MGAT4C: variants seen among roughly 807,000 people sequenced by gnomAD.
MGAT4C encodes alpha-1,3-mannosyl-glycoprotein 4-beta-N-acetylglucosaminyltransferase C.
A neutral mutation model predicts 40.1 loss-of-function variants in MGAT4C; 19 were observed. The observed-to-expected ratio is 0.47, with a 90% CI of 0.33 to 0.70. The LOEUF is 0.70. Among genes scored for constraint, MGAT4C ranks in the 30% least tolerant of loss-of-function variants. The pLI, the probability that MGAT4C is intolerant of heterozygous loss-of-function variation, is 0.02. For missense variants in MGAT4C, 491 were observed against 563.2 expected (o/e 0.87, Z 1.30); for synonymous variants, 181 against 187.1 (o/e 0.97, Z 0.27).
chr12:86,745,163 G>A (rs936121588), intron 1 of MGAT4C: 14 of 151,406 alleles, frequency 9.2e-5, no homozygotes, highest in Non-Finnish European at 4.4e-5. Context: ...TTACACCTGT[G>A]CAAAATAAAG....
chr12:86,277,757 T>A (rs1953112594), intron 4 of MGAT4C, among the ~76,000 whole-genome samples: 1 of 152,174 alleles, frequency 6.6e-6, no homozygotes, highest in South Asian at 2.1e-4. Flanking sequence ...GGTCTATGTG[T>A]CTTTTTTTAT....
intron 2 of MGAT4C, among the ~76,000 whole-genome samples, chr12:86,493,955 CTTTT>C (rs958648605): frequency 2.6e-5 from 4 of 151,880 alleles, no homozygotes; most frequent in Non-Finnish European, 4.4e-5. Context: ...TTTTCTCTCT[CTTTT>C]TTTAAGTACT....
chr12:86,039,086 C>A (rs2136930788), intron 2 of MGAT4C, among the ~76,000 whole-genome samples: 1 of 150,654 alleles, frequency 6.6e-6, no homozygotes, highest in East Asian at 1.9e-4. Flanking sequence ...TGTAGGGTTT[C>A]ACTGTTAGTC....
chr12:86,112,633 C>T (rs914306655), intron 1 of MGAT4C, among the ~76,000 whole-genome samples: 9 of 151,312 alleles, frequency 5.9e-5, no homozygotes, highest in African/African-American at 1.2e-4. Context: ...TAATGACCAA[C>T]GAAGTATTAA....
chr12:86,742,833 T>G (rs1951089192), intron 1 of MGAT4C, among the ~76,000 whole-genome samples: 1 of 151,616 alleles, frequency 6.6e-6, no homozygotes, highest in Admixed American at 6.6e-5. Flanking sequence ...CTAACATATC[T>G]TAAATCTTCC....
At chr12:86,797,143 C>T (rs1011935809) in intron 1 of MGAT4C, among the ~76,000 whole-genome samples, 3 of 151,776 alleles carry the variant, frequency 2.0e-5, no homozygotes, top group Non-Finnish European at 4.4e-5. Context: ...TTCCTTTCTC[C>T]ATCATTCTTA....
chr12:86,715,167 A>T (rs1432429290), intron 2 of MGAT4C, among the ~76,000 whole-genome samples: 3 of 152,172 alleles, frequency 2.0e-5, no homozygotes, highest in Non-Finnish European at 4.4e-5. Flanking sequence ...TTATCCCCAC[A>T]CAAAATCTTT....
At chr12:86,140,078 T>C (rs1882612822) in intron 1 of MGAT4C, among the ~76,000 whole-genome samples, 1 of 152,220 alleles carries the variant, frequency 6.6e-6, no homozygotes, top group Admixed American at 6.5e-5. Context: ...TCTATGTCTA[T>C]ACTGGCCTTA....
At chr12:86,389,354 T>C (rs1158262926) in intron 3 of MGAT4C, among the ~76,000 whole-genome samples, 1 of 152,178 alleles carries the variant, frequency 6.6e-6, no homozygotes, top group Admixed American at 6.5e-5. Context: ...TCCATTCATG[T>C]CCCTGGAAAG....
rs745943497 is a variant in MGAT4C, at chr12:86,376,804, CAGAGAGAGAGAGACAG to C, written c.-119-42693_-119-42678del. 2.4e-3 allele frequency among the ~76,000 whole-genome samples: 237 copies of C among 96,798 alleles called. 2 individuals carry two copies. The highest frequency in any genetic ancestry group is 0.011 in the Middle Eastern group (2 of 176). 63.5% of individuals were successfully genotyped at this position (96,798 alleles called of 152,430 possible). A position where few individuals can be genotyped will look rare whatever the true frequency, so the allele number is the denominator to read the frequency against. The stretch of plus-strand genomic sequence containing the variant: ...AGAGAGAGAGACAGAGAGAGAGAGA[CAGAGAGAGAGAGACAG>C]AGAGAGAGAGAGAGAGAGAGAGACA... On this transcript the variant is annotated intron_variant, in intron 3 of 7. Coordinates refer to the MGAT4C transcript ENST00000548651.
intron 3 of MGAT4C, among the ~76,000 whole-genome samples, chr12:86,432,155 A>T (rs1381087100): frequency 1.3e-5 from 2 of 152,168 alleles, no homozygotes; most frequent in Non-Finnish European, 1.5e-5. Flanking sequence ...CTGGTGGGAA[A>T]CCAAGAAAAC....
chr12:86,205,636 T>C (rs1015288616), intron 1 of MGAT4C, among the ~76,000 whole-genome samples: 3 of 151,974 alleles, frequency 2.0e-5, no homozygotes, highest in African/African-American at 4.8e-5. Context: ...AAATTTCCTA[T>C]AAAACTGGTT....
chr12:86,117,934 C>T (rs1030921885), intron 1 of MGAT4C, among the ~76,000 whole-genome samples: 4 of 152,098 alleles, frequency 2.6e-5, no homozygotes, highest in South Asian at 2.1e-4. Context: ...GTAAGAGAGA[C>T]GAATAGCTGC....
At chr12:86,223,407 A>G (rs1950956612) in intron 1 of MGAT4C, among the ~76,000 whole-genome samples, 1 of 152,096 alleles carries the variant, frequency 6.6e-6, no homozygotes, top group Admixed American at 6.5e-5. Context: ...AGGGTAGGGG[A>G]GGCCAGGCAC....
At chr12:86,770,411 G>A (rs1382029561) in intron 1 of MGAT4C, among the ~76,000 whole-genome samples, 1 of 151,924 alleles carries the variant, frequency 6.6e-6, no homozygotes, top group African/African-American at 2.4e-5. Context: ...ATACCATTCT[G>A]TTGTTTGCAT....
intron 1 of MGAT4C, among the ~76,000 whole-genome samples, chr12:86,824,927 G>C (rs1246300389): frequency 6.6e-6 from 1 of 151,308 alleles, no homozygotes; most frequent in Non-Finnish European, 1.5e-5. Context: ...TTTATATTGA[G>C]TTAAATAATC....
intron 1 of MGAT4C, among the ~76,000 whole-genome samples, chr12:86,803,760 G>C (rs1952281842): frequency 7.4e-5 from 11 of 148,244 alleles, no homozygotes; most frequent in African/African-American, 2.8e-4. Context: ...AAAAAGTCAG[G>C]AAACAACAGG....
intron 4 of MGAT4C, among the ~76,000 whole-genome samples, chr12:86,313,917 C>T (rs939493117): frequency 6.6e-6 from 1 of 152,150 alleles, no homozygotes; most frequent in Admixed American, 6.5e-5. Context: ...ATTGCTGAAA[C>T]TATAGGGACC....
intron 2 of MGAT4C, among the ~76,000 whole-genome samples, chr12:86,599,999 C>G (rs1286149371): frequency 6.6e-6 from 1 of 151,528 alleles, no homozygotes; most frequent in Non-Finnish European, 1.5e-5. Flanking sequence ...AAACCAGAAA[C>G]AAAGTAAACA....
Sources: gnomAD v4.1 joint callset for allele counts (sites outside exome capture counted in the v4.1 genomes callset) on GRCh38, gnomAD v4.1.1 for gene constraint, MANE v1.5 for transcripts, NCBI Gene and HGNC (gene_info 2026-07-23, HGNC 2026-07-21) for gene names.